The following ADGRV1 variants were observed in gnomAD, a reference collection of about 807,000 sequenced individuals.
ADGRV1 encodes the protein adhesion G protein-coupled receptor V1.
Under a neutral mutation model 596.2 loss-of-function variants are expected in ADGRV1, and 359 were observed. The observed-to-expected ratio is 0.60, with a 90% confidence interval of 0.55 to 0.66. The LOEUF (loss-of-function observed/expected upper bound fraction) is 0.66, where lower values mean the gene tolerates loss of function less well. ADGRV1 is among the 30% of genes least tolerant of loss of function. The pLI is 0.00. For synonymous variants in ADGRV1, 2,681 were observed against 2,679.2 expected, an observed-to-expected ratio of 1.00 and a Z score of -0.02; for missense variants, 7,274 against 7,575.6, an observed-to-expected ratio of 0.96 and a Z score of 1.48.
Position 90,853,296 on chromosome 5 carries a change from C to T in ADGRV1, c.17217C>T (p.Ile5739=). 1 of 1,607,660 alleles carries T rather than the reference C, an allele frequency of 6.2e-7. No homozygotes were observed. The highest frequency in any genetic ancestry group is 8.5e-7 in the Non-Finnish European group (1 of 1,175,986). ...TTTTCTGTTGTAGAAGCAAAACCATCCTTGATAGTTGCCCATATTTGTCAA... is the reference window on the plus strand; with the variant it reads ...TTTTCTGTTGTAGAAGCAAAACCATTCTTGATAGTTGCCCATATTTGTCAA... ...CGSPGEKSKT[I]LDSCPYLSIL... Residue 5739 remains isoleucine (I), a synonymous_variant, in exon 80 of 90, where the codon ATC becomes ATT. Coordinates refer to ENST00000405460, the MANE Select transcript of ADGRV1 (RefSeq NM_032119.4).
intron 87 of ADGRV1, among the ~76,000 whole-genome samples, chr5:91,119,712 A>C (rs116367377): frequency 6.6e-6 from 1 of 152,222 alleles, no homozygotes; most frequent in African/African-American, 2.4e-5. Flanking sequence ...ATTAAGAAAT[A>C]AAAAACCACA....
At position 90,783,172 on chromosome 5, in the gene ADGRV1, G is replaced by A. The variant is rs749036604; in HGVS notation, c.13280G>A (p.Gly4427Glu). 2.5e-6 allele frequency: 4 copies of A among 1,613,558 alleles called. No homozygotes were observed. The East Asian group carries it at 6.7e-5, about 27-fold the overall frequency. The part of the protein sequence containing the change: ...LIMIPVVRLH[G>E]TYGYVTADFI... ...ATGATCCCAGTGGTGAGGCTACATG[G>A]AACTTATGGCTATGTGACAGCTGAT... is the stretch of plus-strand genomic sequence containing the variant. The change falls in exon 66 of 90, where the codon GGA becomes GAA. Residue 4427 changes from glycine (G) to glutamate (E), a missense_variant. By Grantham distance (98) the Gly-to-Glu change is moderately conservative. This residue lies in a region of ADGRV1 where 3,643 missense variants were observed against 3,809.2 expected (regional missense o/e 0.96). Coordinates refer to ENST00000405460, the MANE Select transcript of ADGRV1 (RefSeq NM_032119.4).
At chr5:91,049,295 T>G (rs994271145) in intron 85 of ADGRV1, among the ~76,000 whole-genome samples, 22 of 152,192 alleles carry the variant, frequency 1.4e-4, no homozygotes, top group African/African-American at 4.6e-4. Flanking sequence ...TAAATTCACA[T>G]GTTTGTTTAT....
At chr5:90,609,518 A>AT (rs35424289) in intron 1 of ADGRV1, among the ~76,000 whole-genome samples, 36,261 of 149,028 alleles carry the variant, frequency 0.24, 5,151 homozygotes, top group Non-Finnish European at 0.33. Context: ...GGCAAAGATC[A>AT]TTTTTTTTTT....
chr5:91,098,351 G>A (rs1021209318), intron 86 of ADGRV1, among the ~76,000 whole-genome samples: 1 of 151,050 alleles, frequency 6.6e-6, no homozygotes, highest in African/African-American at 2.4e-5. Context: ...AGGGTTAAAG[G>A]TGCCTCCTCA....
At chr5:90,721,747 AGAATATAGGG>A (rs1241774444) in intron 45 of ADGRV1, among the ~76,000 whole-genome samples, 5 of 152,114 alleles carry the variant, frequency 3.3e-5, no homozygotes, top group African/African-American at 9.7e-5. Context: ...AAGTGTTGAA[AGAATATAGGG>A]GAATGCTTTC....
Position 90,974,999 on chromosome 5 carries a change from T to C in ADGRV1, c.17973+9468T>C, listed in dbSNP as rs187518056. ...AATCTACAAAGCACTCAAACAAATT[T>C]ACAAGAAAAAAACAAACAACCCCAT... On this transcript the variant is annotated intron_variant, in intron 84 of 89. Transcript: ENST00000405460. Among the ~76,000 whole-genome samples the C allele has an allele frequency of 1.0e-3, 151 of 149,004 alleles. 1 individual carries two copies. The highest frequency in any genetic ancestry group is 7.8e-3 in the South Asian group (37 of 4,762).
chr5:90,850,598 T>C (rs1766390407), intron 79 of ADGRV1: 1 of 152,214 alleles, frequency 6.6e-6, no homozygotes, highest in Non-Finnish European at 1.5e-5. Flanking sequence ...TATGTTCAAC[T>C]ATTTTGTTCA....
intron 65 of ADGRV1, among the ~76,000 whole-genome samples, chr5:90,782,743 G>A (rs1433366140): frequency 6.6e-6 from 1 of 152,060 alleles, no homozygotes; most frequent in Non-Finnish European, 1.5e-5. Flanking sequence ...TCAATTGAAT[G>A]TGTGGAAGCA....
At chr5:91,074,110 G>GT (rs1490756014) in intron 86 of ADGRV1, among the ~76,000 whole-genome samples, 2 of 152,088 alleles carry the variant, frequency 1.3e-5, no homozygotes, top group South Asian at 4.1e-4. Context: ...AGCTATGCTT[G>GT]TTTTTTCAGT....
rs191720693 is a variant in ADGRV1 at position 90,864,148 on chromosome 5, A to G, written c.17856+291A>G. ...TATGCTGAATGTATTTGTAATTTAT[A>G]TATACATTAAAATTAACATTTTATT... On this transcript the variant is annotated intron_variant, in intron 83 of 89. Transcript: ENST00000405460. Among the ~76,000 whole-genome samples, 5 of 152,144 alleles carry G rather than the reference A, an allele frequency of 3.3e-5. No individual in the cohort carries two copies. In the East Asian group the frequency reaches 9.7e-4, roughly 29 times the overall value.
At chr5:90,748,813 G>GTTTTTTTTTT (rs10700327) in intron 52 of ADGRV1, among the ~76,000 whole-genome samples, 2 of 142,314 alleles carry the variant, frequency 1.4e-5, no homozygotes, top group African/African-American at 5.5e-5. Context: ...CTATCATCAA[G>GTTTTTTTTTT]TTTTTTTTTG....
chr5:90,992,558 C>A (rs1405593101), intron 85 of ADGRV1, among the ~76,000 whole-genome samples: 1 of 152,190 alleles, frequency 6.6e-6, no homozygotes, highest in Non-Finnish European at 1.5e-5. Context: ...ACCTTCACAG[C>A]ATTGCTGACA....
chr5:90,684,260 A>T, intron 28 of ADGRV1, 65 bp downstream of exon 28: 1 of 1,358,782 alleles, frequency 7.4e-7, no homozygotes, highest in Non-Finnish European at 9.7e-7. Flanking sequence ...ATCAGTTTTA[A>T]ATTTTATTTA....
intron 57 of ADGRV1, among the ~76,000 whole-genome samples, chr5:90,757,714 A>G (rs1005308656): frequency 6.6e-6 from 1 of 152,234 alleles, no homozygotes; most frequent in Non-Finnish European, 1.5e-5. Flanking sequence ...ATATTATAAA[A>G]CATTCCCCAA....
intron 52 of ADGRV1, among the ~76,000 whole-genome samples, chr5:90,747,506 C>T (rs1200797820): frequency 6.6e-6 from 1 of 152,094 alleles, no homozygotes; most frequent in African/African-American, 2.4e-5. Flanking sequence ...CCAGGGCAAG[C>T]TTCTAAGATT....
rs1343603510 is a variant in ADGRV1, at chr5:90,753,843, A to G, written c.11377+14A>G. 1 of 1,559,660 alleles carries G rather than the reference A, an allele frequency of 6.4e-7. No homozygotes were observed. Among genetic ancestry groups the G allele is most frequent in the Non-Finnish European group, 8.7e-7 (1 of 1,149,812 alleles). ...CAGAGCCTAAAGGTAAATATTGTTA[A>G]ATATCTTTCAAGTTTTAATGAGAAG... On this transcript the variant is annotated intron_variant, in intron 54 of 89. Transcript: ENST00000405460.
At chr5:90,619,032 TAACTTATTA>T in intron 3 of ADGRV1, 45 bp from the exon 4 acceptor site, 1 of 837,790 alleles carries the variant, frequency 1.2e-6, no homozygotes. Context: ...AATAAATTTT[TAACTTATTA>T]TTTTATTTTT....
rs1280492561 is a variant in ADGRV1 at position 90,994,630 on chromosome 5, A to C, written c.18152+9108A>C. ...CTTCTTGGTTTTTTGCATATTTTGT[A>C]AATTTTTGTTGAAAATTGGACATTC... On this transcript the variant is annotated intron_variant, in intron 85 of 89. Transcript: ENST00000405460. 4.6e-5 allele frequency among the ~76,000 whole-genome samples: 7 copies of C among 152,270 alleles called. No individual in the cohort carries two copies. In the South Asian group the frequency reaches 6.2e-4, roughly 14 times the overall value.
Sources: gnomAD v4.1 joint callset for allele counts (sites outside exome capture counted in the v4.1 genomes callset) on GRCh38, gnomAD v4.1.1 for gene constraint, gnomAD v4.1.1 regional missense constraint, MANE v1.5 for transcripts, NCBI Gene and HGNC (gene_info 2026-07-23, HGNC 2026-07-21) for gene names.